OR51D1: variants seen among roughly 807,000 people sequenced by gnomAD.
The protein encoded by OR51D1 is olfactory receptor family 51 subfamily D member 1, also known as olfactory receptor 51D1.
For missense variants in OR51D1, 452 were observed against 396.2 expected, an observed-to-expected ratio of 1.14 and a Z score of -1.20; for synonymous variants, 187 against 161.1, an observed-to-expected ratio of 1.16 and a Z score of -1.22.
At chr11:4,639,018 C>T (rs1258116664) in intron 1 of OR51D1, among the ~76,000 whole-genome samples, 1 of 152,120 alleles carries the variant, frequency 6.6e-6, no homozygotes, top group Non-Finnish European at 1.5e-5. Flanking sequence ...GTCTCGAACC[C>T]CTGACCTTGC....
chr11:4,638,789 T>TGTTTG (rs1436810535), intron 1 of OR51D1, among the ~76,000 whole-genome samples: 1 of 80,022 alleles, frequency 1.2e-5, no homozygotes, highest in East Asian at 1.9e-4. Flanking sequence ...TTTGTTTGTT[T>TGTTTG]ATTTGTTTTG....
rs772035742 is a variant in OR51D1 at position 4,640,700 on chromosome 11, T to C, written c.910T>C (p.Tyr304His). The C allele has an allele frequency of 1.2e-6, 2 of 1,613,958 alleles. No homozygotes were observed. Among genetic ancestry groups the C allele is most frequent in the Admixed American group, 1.7e-5 (1 of 60,028 alleles). ...LLPPVVNPLV[Y>H]GAKTKEICSR... ...ACCACCTGTAGTCAACCCCCTTGTC[T>C]ATGGAGCCAAGACCAAAGAGATCTG... Residue 304 changes from tyrosine (Y) to histidine (H), a missense_variant, in exon 2 of 2, where the codon TAT (tyrosine) becomes CAT (histidine). Coordinates refer to ENST00000641817, the MANE Select transcript of OR51D1 (RefSeq NM_001004751.3).
rs1451846275 is a variant in OR51D1 at position 4,643,050 on chromosome 11, G to A, written c.*2285G>A. ...TGAAACTGATCAGTAAAAAATAAGGGGAGACCAACTAAAAACCATGTTGTT... is the reference window on the plus strand; with the variant it reads ...TGAAACTGATCAGTAAAAAATAAGGAGAGACCAACTAAAAACCATGTTGTT... On this transcript the variant is annotated 3_prime_UTR_variant, in exon 2 of 2. Transcript: ENST00000641817. 2.0e-5 allele frequency: 3 copies of A among 152,118 alleles called. No homozygotes were observed. The highest frequency in any genetic ancestry group is 2.9e-5 in the Non-Finnish European group (2 of 68,012). 9.4% of individuals were successfully genotyped at this position (152,118 alleles called of 1,614,324 possible). A position where few individuals can be genotyped will look rare whatever the true frequency, so the allele number is the denominator to read the frequency against.
rs969756039 is a variant in OR51D1 at position 4,640,470 on chromosome 11, T to C, written c.680T>C (p.Ile227Thr). The change falls in exon 2 of 2, where the codon ATT (isoleucine) becomes ACT (threonine). Residue 227 changes from isoleucine (I) to threonine (T), a missense_variant. Physicochemically the swap from Ile to Thr is moderately conservative, Grantham distance 89. Transcript: ENST00000641817. ...GTCATGGGTGTGGACTCTCTCTTCA[T>C]TGGCTTCTCATATATCCTCATCCTG... ...LSVMGVDSLF[I>T]GFSYILILWA... The C allele has an allele frequency of 1.9e-6, 3 of 1,614,022 alleles. No individual in the cohort carries two copies. Among genetic ancestry groups the C allele is most frequent in the Admixed American group, 1.7e-5 (1 of 60,008 alleles).
chr11:4,640,603 C>T lies in OR51D1; in HGVS notation c.813C>T (p.Leu271=). 1.2e-6 allele frequency: 2 copies of T among 1,613,362 alleles called. No individual in the cohort carries two copies. Among genetic ancestry groups the T allele is most frequent in the Non-Finnish European group, 1.7e-6 (2 of 1,179,918 alleles). The part of the protein sequence containing the change: ...VLVFYVPLIG[L]SVVHRLGGPT... The stretch of plus-strand genomic sequence containing the variant: ...TCTTCTATGTACCCCTCATTGGGCT[C>T]TCGGTGGTGCATAGGCTGGGTGGTC... Residue 271 remains leucine (L), a synonymous_variant, in exon 2 of 2, where the codon CTC becomes CTT. Transcript: ENST00000641817.
In OR51D1 at chr11:4,640,278, C is replaced by A. The variant is rs1349749950; in HGVS notation, c.488C>A (p.Thr163Asn). 1 of 1,614,126 alleles carries A rather than the reference C, an allele frequency of 6.2e-7. No homozygotes were observed. Among genetic ancestry groups the A allele is most frequent in the East Asian group, 2.2e-5 (1 of 44,872 alleles). The change falls in exon 2 of 2, where the codon ACC becomes AAC. Residue 163 changes from threonine (T) to asparagine (N), a missense_variant. Thr to Asn is a moderately conservative substitution (Grantham distance 65). Coordinates refer to ENST00000641817, the MANE Select transcript of OR51D1 (RefSeq NM_001004751.3). ...GCCAAGATTGGACTATCTGCCCTGACCAGGGGGTTTGTATTCTTCTTCCCA... is the reference window on the plus strand; with the variant it reads ...GCCAAGATTGGACTATCTGCCCTGAACAGGGGGTTTGTATTCTTCTTCCCA... ...TVAKIGLSAL[T>N]RGFVFFFPLP...
chr11:4,639,949 G>T lies in OR51D1; in HGVS notation c.159G>T (p.Leu53=), dbSNP rs761319682. ...GTTTTATGTATGCCTTGGCCACCCT[G>T]GGTAACCTGACCATTGTCCTCATCA... is the stretch of plus-strand genomic sequence containing the variant. The part of the protein sequence containing the change: ...PLCFMYALAT[L]GNLTIVLIIR... Residue 53 remains leucine, a synonymous_variant, in exon 2 of 2, where the codon CTG becomes CTT. Transcript: ENST00000641817. The T allele has an allele frequency of 6.2e-7, 1 of 1,614,160 alleles. No homozygotes were observed. Among genetic ancestry groups the T allele is most frequent in the Non-Finnish European group, 8.5e-7 (1 of 1,180,028 alleles).
In OR51D1 at chr11:4,641,067, A is replaced by G. The variant is rs1174009581; in HGVS notation, c.*302A>G. On this transcript the variant is annotated 3_prime_UTR_variant, in exon 2 of 2. Transcript: ENST00000641817. The stretch of plus-strand genomic sequence containing the variant: ...CTGTAAAGATCACACCTCATGGTTC[A>G]TTCCAGTTTTGAAGTATGATTTTAA... 11 of 291,842 alleles carry G rather than the reference A, an allele frequency of 3.8e-5. No individual in the cohort carries two copies. The highest frequency in any genetic ancestry group is 6.4e-5 in the Non-Finnish European group (10 of 155,808). The allele number at this position is 291,842 out of a possible 1,614,324, so 18.1% of individuals were successfully genotyped here. A position where few individuals can be genotyped will look rare whatever the true frequency, so the allele number is the denominator to read the frequency against.
intron 1 of OR51D1, 174 bp from the exon 2 acceptor site, chr11:4,639,603 G>A: frequency 1.6e-6 from 1 of 637,138 alleles, no homozygotes. Flanking sequence ...AAGATGTCCA[G>A]GAAGTTGTAT....
rs1846945869 is a variant in OR51D1, at chr11:4,640,136, C to T, written c.346C>T (p.Leu116Phe). 1 of 1,614,244 alleles carries T rather than the reference C, an allele frequency of 6.2e-7. No individual in the cohort carries two copies. The highest frequency in any genetic ancestry group is 8.5e-7 in the Non-Finnish European group (1 of 1,180,048). Reference protein sequence around the residue: ...EFNICLAQMFLIHALSAVESA... With the variant: ...EFNICLAQMFFIHALSAVESA... ...CAACATTTGCCTGGCCCAGATGTTCCTTATCCATGCTCTGTCAGCCGTGGA... is the reference window on the plus strand; with the variant it reads ...CAACATTTGCCTGGCCCAGATGTTCTTTATCCATGCTCTGTCAGCCGTGGA... Residue 116 changes from leucine to phenylalanine, a missense_variant, in exon 2 of 2, where the codon CTT becomes TTT. Transcript: ENST00000641817.
At chr11:4,638,795 T>C (rs2133218272) in intron 1 of OR51D1, among the ~76,000 whole-genome samples, 1 of 150,990 alleles carries the variant, frequency 6.6e-6, no homozygotes, top group African/African-American at 2.4e-5. Context: ...TGTTTATTTG[T>C]TTTGTTTTGT....
rs981261103 is a variant in OR51D1, at chr11:4,642,082, A to T, written c.*1317A>T. The T allele has an allele frequency of 6.6e-6, 1 of 151,860 alleles. No homozygotes were observed. The highest frequency in any genetic ancestry group is 2.4e-5 in the African/African-American group (1 of 41,272). The allele number at this position is 151,860 out of a possible 1,614,324, so 9.4% of individuals were successfully genotyped here. On this transcript the variant is annotated 3_prime_UTR_variant, in exon 2 of 2. Coordinates refer to ENST00000641817, the MANE Select transcript of OR51D1 (RefSeq NM_001004751.3). ...ATAATTTCCAAAGTTGAGTGACATG[A>T]CTCTAAGATGCCCAGTTTCTCGGCC...
At position 4,639,812 on chromosome 11, in the gene OR51D1, G is replaced by T; in HGVS notation, c.22G>T (p.Val8Phe). Reference protein sequence around the residue: MQKPQLLVPIIATSNGNL... With the variant: MQKPQLLFPIIATSNGNL... ...TTGTATGCAGAAGCCCCAGCTCTTG[G>T]TCCCTATCATAGCCACTTCAAATGG... The change falls in exon 2 of 2, where the codon GTC (valine) becomes TTC (phenylalanine). Residue 8 changes from valine to phenylalanine, a missense_variant. By Grantham distance (50) the Val-to-Phe change is conservative (BLOSUM62 -1). Transcript: ENST00000641817. 6.2e-7 allele frequency: 1 copy of T among 1,613,506 alleles called. No individual in the cohort carries two copies.
At position 4,641,078 on chromosome 11, in the gene OR51D1, GA is replaced by G. The variant is rs1217996574; in HGVS notation, c.*315del. 2.6e-5 allele frequency: 7 copies of G among 272,336 alleles called. 1 individual carries two copies. In the South Asian group the frequency reaches 5.0e-4, roughly 19 times the overall value. 16.9% of individuals were successfully genotyped at this position (272,336 alleles called of 1,614,324 possible). ...ACACCTCATGGTTCATTCCAGTTTT[GA>G]AGTATGATTTTAATGTTCTTGCCCC... On this transcript the variant is annotated 3_prime_UTR_variant, in exon 2 of 2. Coordinates refer to ENST00000641817, the MANE Select transcript of OR51D1 (RefSeq NM_001004751.3).
Position 4,640,891 on chromosome 11 carries a change from ATG to A in OR51D1, c.*128_*129del. 1 of 847,248 alleles carries A rather than the reference ATG, an allele frequency of 1.2e-6. No homozygotes were observed. The highest frequency in any genetic ancestry group is 2.6e-5 in the East Asian group (1 of 38,814). 52.5% of individuals were successfully genotyped at this position (847,248 alleles called of 1,614,324 possible). On this transcript the variant is annotated 3_prime_UTR_variant, in exon 2 of 2. Coordinates refer to ENST00000641817, the MANE Select transcript of OR51D1 (RefSeq NM_001004751.3). ...CTTCTTCCAGCAATTTAAGTAGATC[ATG>A]TATTCTGTCTCCAGGAATGTGTCAG... is the stretch of plus-strand genomic sequence containing the variant.
chr11:4,641,333 T>C lies in OR51D1; in HGVS notation c.*568T>C, dbSNP rs78967578. 0.059 allele frequency: 9,245 copies of C among 156,116 alleles called. 378 individuals are homozygous for C. The highest frequency in any genetic ancestry group is 0.088 in the Non-Finnish European group (6,154 of 70,314). 9.7% of individuals were successfully genotyped at this position (156,116 alleles called of 1,614,324 possible). ...CCATTTGCATCTGTATGGCTCTATA[T>C]GACTATTTGTCCATAAGGGTGCCAT... is the stretch of plus-strand genomic sequence containing the variant. On this transcript the variant is annotated 3_prime_UTR_variant, in exon 2 of 2. Coordinates refer to ENST00000641817, the MANE Select transcript of OR51D1 (RefSeq NM_001004751.3).
At position 4,642,662 on chromosome 11, in the gene OR51D1, A is replaced by G. The variant is rs1846983046; in HGVS notation, c.*1897A>G. ...CAGTCAATCTCCCTTCTGTTGCCGCATGGAAACTCCCTTAAGGCAGGAAGC... is the reference window on the plus strand; with the variant it reads ...CAGTCAATCTCCCTTCTGTTGCCGCGTGGAAACTCCCTTAAGGCAGGAAGC... On this transcript the variant is annotated 3_prime_UTR_variant, in exon 2 of 2. Transcript: ENST00000641817. 6.6e-6 allele frequency: 1 copy of G among 151,670 alleles called. No individual in the cohort carries two copies. Among genetic ancestry groups the G allele is most frequent in the Non-Finnish European group, 1.5e-5 (1 of 67,950 alleles). The allele number at this position is 151,670 out of a possible 1,614,324, so 9.4% of individuals were successfully genotyped here. A position where few individuals can be genotyped will look rare whatever the true frequency, so the allele number is the denominator to read the frequency against.
rs967357891 is a variant in OR51D1 at position 4,642,415 on chromosome 11, G to C, written c.*1650G>C. ...TCTACTAAAAATACAACAATTAGCC[G>C]GGTGTGATGGCGCGTGCCTGTAGTC... On this transcript the variant is annotated 3_prime_UTR_variant, in exon 2 of 2. Coordinates refer to ENST00000641817, the MANE Select transcript of OR51D1 (RefSeq NM_001004751.3). 1 of 152,070 alleles carries C rather than the reference G, an allele frequency of 6.6e-6. No individual in the cohort carries two copies. Among genetic ancestry groups the C allele is most frequent in the African/African-American group, 2.4e-5 (1 of 41,400 alleles). 9.4% of individuals were successfully genotyped at this position (152,070 alleles called of 1,614,324 possible).
chr11:4,638,293 G>T (rs1324281180), intron 1 of OR51D1, among the ~76,000 whole-genome samples: 1 of 152,134 alleles, frequency 6.6e-6, no homozygotes, highest in Non-Finnish European at 1.5e-5. Context: ...GGTTTGGAAG[G>T]GGTCCCTGTT....
Sources: allele counts gnomAD v4.1 joint callset (sites outside exome capture counted in the v4.1 genomes callset), GRCh38; gene constraint gnomAD v4.1.1; transcripts MANE v1.5; gene names NCBI Gene and HGNC (gene_info 2026-07-23, HGNC 2026-07-21).